The following RUVBL1 variants were observed in gnomAD, a reference collection of about 807,000 sequenced individuals.
RUVBL1 encodes the protein RuvB like AAA ATPase 1, also known as ruvB-like 1.
RUVBL1 carries 4 observed loss-of-function variants against 52.4 expected under a neutral mutation model. That is an observed-to-expected ratio of 0.08 (90% CI 0.04 to 0.17). RUVBL1 has a LOEUF of 0.17. RUVBL1 is among the 10% of genes least tolerant of loss of function. The probability of loss-of-function intolerance (pLI) is 1.00; values close to 1 mark genes in which losing one functional copy is unlikely to be tolerated. For missense variants in RUVBL1, 298 were observed against 572.8 expected (o/e 0.52, Z 4.90); for synonymous variants, 217 against 214.4 (o/e 1.01, Z -0.10).
At position 128,067,811 on chromosome 3, in the gene RUVBL1, C is replaced by T; in HGVS notation, c.940-2591G>A. The T allele has an allele frequency of 1.5e-6, 1 of 685,580 alleles. No individual in the cohort carries two copies. The highest frequency in any genetic ancestry group is 2.5e-6 in the Non-Finnish European group (1 of 396,862). 42.5% of individuals were successfully genotyped at this position (685,580 alleles called of 1,614,324 possible). A position where few individuals can be genotyped will look rare whatever the true frequency, so the allele number is the denominator to read the frequency against. On this transcript the variant is annotated intron_variant, in intron 9 of 9. Coordinates refer to the RUVBL1 transcript ENST00000464873. The surrounding 1 kb of genome is among the most constrained non-coding windows in gnomAD (Gnocchi z 4.1). ...AGCTGTGGGTATGAGAATCTGAATC[C>T]ACACTGTAAAGTTAGACTTTTTCAT...
chr3:128,079,607 G>C (rs1206967389), downstream of RUVBL1, among the ~76,000 whole-genome samples: 1 of 152,198 alleles, frequency 6.6e-6, no homozygotes, highest in Non-Finnish European at 1.5e-5. Context: ...AGCCGGCATG[G>C]GCCACATGCA....
intron 1 of RUVBL1, among the ~76,000 whole-genome samples, chr3:128,123,320 G>T (rs1233040913): frequency 6.6e-6 from 1 of 152,218 alleles, no homozygotes; most frequent in Non-Finnish European, 1.5e-5. Flanking sequence ...ACGGGGTTGT[G>T]TGGGTTTATA....
At chr3:128,136,926 C>G (rs1338340389) in intron 1 of RUVBL1, among the ~76,000 whole-genome samples, 2 of 151,976 alleles carry the variant, frequency 1.3e-5, no homozygotes, top group African/African-American at 2.4e-5. Context: ...AGTATTAGAC[C>G]TAAAGATCAT....
In RUVBL1 at chr3:128,069,899, G is replaced by A. The variant is rs919426585; in HGVS notation, c.940-4679C>T. The A allele has an allele frequency of 3.6e-5, 19 of 527,318 alleles. No homozygotes were observed. In the East Asian group the frequency reaches 6.4e-4, roughly 18 times the overall value. 32.7% of individuals were successfully genotyped at this position (527,318 alleles called of 1,614,324 possible). ...TTTTATTCAGCCGACTGCCAGAGAA[G>A]TGGGAATGGTATAGGATTGTCCCCA... On this transcript the variant is annotated intron_variant, in intron 9 of 9. Transcript: ENST00000464873.
At chr3:128,071,748 C>G (rs1942172984) in intron 9 of RUVBL1, 1 of 152,666 alleles carries the variant, frequency 6.6e-6, no homozygotes, top group Non-Finnish European at 1.5e-5. Context: ...AGGCGCAAAG[C>G]TTGGTTGCAG....
At chr3:128,141,671 T>C (rs1174343343) in intron 1 of RUVBL1, among the ~76,000 whole-genome samples, 2 of 152,164 alleles carry the variant, frequency 1.3e-5, no homozygotes, top group African/African-American at 4.8e-5. Context: ...TAATTTTTCA[T>C]TTTTAGTAGA....
At chr3:128,153,425 G>C (rs867589252) in exon 1 of RUVBL1, 3 of 1,419,892 alleles carry the variant, frequency 2.1e-6, no homozygotes, top group Non-Finnish European at 2.7e-6. Flanking sequence ...GTTACGGGGG[G>C]GCAACTTAAC....
chr3:128,117,357 T>C (rs1943550503), intron 2 of RUVBL1, among the ~76,000 whole-genome samples: 2 of 152,208 alleles, frequency 1.3e-5, no homozygotes, highest in South Asian at 2.1e-4. Context: ...TAATTCCTTA[T>C]TATGGAAACT....
chr3:128,150,879 CTATATA>C lies in RUVBL1; in HGVS notation c.-40+2318_-40+2323del, dbSNP rs1368974028. ...ATATTATATATTATATATATATATT[CTATATA>C]TATATTCTATATATATAATATAATA... On this transcript the variant is annotated intron_variant, in intron 1 of 9. Coordinates refer to the RUVBL1 transcript ENST00000464873. Among the ~76,000 whole-genome samples the C allele has an allele frequency of 2.4e-3, 175 of 74,278 alleles. 5 individuals are homozygous for C. Among genetic ancestry groups the C allele is most frequent in the African/African-American group, 9.8e-3 (168 of 17,222 alleles). The allele number at this position is 74,278 out of a possible 152,430, so 48.7% of individuals were successfully genotyped here. A position where few individuals can be genotyped will look rare whatever the true frequency, so the allele number is the denominator to read the frequency against.
chr3:128,072,293 TG>T (rs1352690256), intron 9 of RUVBL1, among the ~76,000 whole-genome samples: 1 of 152,206 alleles, frequency 6.6e-6, no homozygotes, highest in Non-Finnish European at 1.5e-5. Flanking sequence ...CCCCACCACC[TG>T]GGCCTGGTGC....
At chr3:128,090,127 T>C (rs1942793575) in intron 8 of RUVBL1, among the ~76,000 whole-genome samples, 1 of 152,130 alleles carries the variant, frequency 6.6e-6, no homozygotes. Context: ...AATTGTATGC[T>C]TAAAAATGGT....
intron 1 of RUVBL1, among the ~76,000 whole-genome samples, chr3:128,147,011 A>ATTAGGACTCCCT (rs1250050433): frequency 6.6e-6 from 1 of 152,232 alleles, no homozygotes; most frequent in Non-Finnish European, 1.5e-5. Context: ...TCCTAGTAAA[A>ATTAGGACTCCCT]GAACAGCTTC....
intron 8 of RUVBL1, among the ~76,000 whole-genome samples, chr3:128,088,562 T>A (rs1304308145): frequency 2.6e-5 from 4 of 151,086 alleles, no homozygotes; most frequent in Non-Finnish European, 5.9e-5. Context: ...ATACTAAGTA[T>A]GCAAGTTTTT....
chr3:128,152,697 G>A (rs1004453512), intron 1 of RUVBL1, among the ~76,000 whole-genome samples: 2 of 152,116 alleles, frequency 1.3e-5, no homozygotes, highest in Admixed American at 6.5e-5. Context: ...TCCTAGTCTC[G>A]CTGACTTCAA....
chr3:128,086,909 C>A (rs1216122763), intron 9 of RUVBL1, among the ~76,000 whole-genome samples: 1 of 152,260 alleles, frequency 6.6e-6, no homozygotes, highest in African/African-American at 2.4e-5. Context: ...AACCCAGATT[C>A]AGCTCACGCA....
At chr3:128,103,424 G>A (rs1943150263) in intron 4 of RUVBL1, among the ~76,000 whole-genome samples, 2 of 152,160 alleles carry the variant, frequency 1.3e-5, no homozygotes, top group Non-Finnish European at 2.9e-5. Context: ...TTCCTGAGAT[G>A]GAAACCCTGT....
intron 1 of RUVBL1, among the ~76,000 whole-genome samples, chr3:128,146,169 A>C (rs1326714555): frequency 6.6e-6 from 1 of 152,140 alleles, no homozygotes; most frequent in Non-Finnish European, 1.5e-5. Flanking sequence ...GTTTGGGAGA[A>C]AAATGCTCTG....
chr3:128,128,920 C>T lies in RUVBL1; in HGVS notation c.-39-9506G>A, dbSNP rs571926468. On this transcript the variant is annotated intron_variant, in intron 1 of 9. Transcript: ENST00000464873. ...TAGCAACCTGGGCCCCATTCCATCT[C>T]TCAAAGGCCTTGCTCCACCCATTAC... Among the ~76,000 whole-genome samples the T allele has an allele frequency of 3.2e-4, 48 of 152,280 alleles. 1 individual carries two copies. In the South Asian group the frequency reaches 7.9e-3, roughly 25 times the overall value.
At chr3:128,113,534 C>T (rs564448732) in intron 2 of RUVBL1, among the ~76,000 whole-genome samples, 3 of 152,266 alleles carry the variant, frequency 2.0e-5, no homozygotes, top group African/African-American at 4.8e-5. Context: ...TTGCATATAA[C>T]CTATGCACAT....
Sources: allele counts gnomAD v4.1 joint callset (sites outside exome capture counted in the v4.1 genomes callset), GRCh38; gene constraint gnomAD v4.1.1; non-coding constraint Gnocchi (gnomAD v3.1); transcripts MANE v1.5; gene names NCBI Gene and HGNC (gene_info 2026-07-23, HGNC 2026-07-21).